DYM: variants seen among roughly 807,000 people sequenced by gnomAD.
The protein encoded by DYM is dyggve-Melchior-Clausen syndrome protein.
DYM carries 78 observed loss-of-function variants against 93.1 expected under a neutral mutation model. The observed-to-expected ratio is 0.84, with a 90% confidence interval of 0.70 to 1.01. The LOEUF (loss-of-function observed/expected upper bound fraction) is 1.01, where lower values mean the gene tolerates loss of function less well. Among genes scored for constraint, DYM ranks in the 50% least tolerant of loss-of-function variants. The pLI is 0.00. For synonymous variants in DYM, 321 were observed against 319.7 expected (o/e 1.00, Z -0.04); for missense variants, 789 against 845.0 (o/e 0.93, Z 0.82).
At chr18:49,179,455 C>G (rs1052012134) in intron 14 of DYM, among the ~76,000 whole-genome samples, 1 of 152,100 alleles carries the variant, frequency 6.6e-6, no homozygotes, top group Non-Finnish European at 1.5e-5. Context: ...TGTGATTCTA[C>G]CATTTGCTTA....
At chr18:49,052,076 T>G (rs2072515095) in intron 17 of DYM, among the ~76,000 whole-genome samples, 1 of 152,254 alleles carries the variant, frequency 6.6e-6, no homozygotes. Context: ...CTGTTTGTTA[T>G]TTATGCATGT....
chr18:49,199,503 G>C (rs1272787477), intron 14 of DYM, among the ~76,000 whole-genome samples: 1 of 152,122 alleles, frequency 6.6e-6, no homozygotes, highest in African/African-American at 2.4e-5. Flanking sequence ...CCACATTATG[G>C]AAAATAGAAT....
At chr18:49,071,770 A>T (rs1408156362) in intron 17 of DYM, among the ~76,000 whole-genome samples, 1 of 152,240 alleles carries the variant, frequency 6.6e-6, no homozygotes, top group African/African-American at 2.4e-5. Context: ...CATCAAGTGT[A>T]TATATTAACT....
rs540189318 is a variant in DYM at position 49,195,916 on chromosome 18, C to CTTTT, written c.1625+13631_1625+13634dup. On this transcript the variant is annotated intron_variant, in intron 14 of 17. Transcript: ENST00000675505. ...ATTATGCTCTCTTGAATGCTACCATCTTTTTTTTTTTTTTTTTTTTTTTTT... is the reference window on the plus strand; with the variant it reads ...ATTATGCTCTCTTGAATGCTACCATCTTTTTTTTTTTTTTTTTTTTTTTTTTTTT... Among the ~76,000 whole-genome samples the CTTTT allele has an allele frequency of 8.6e-3, 722 of 84,014 alleles. 22 individuals are homozygous for CTTTT. Among genetic ancestry groups the CTTTT allele is most frequent in the Non-Finnish European group, 0.011 (547 of 48,798 alleles). The allele number at this position is 84,014 out of a possible 152,430, so 55.1% of individuals were successfully genotyped here. A position where few individuals can be genotyped will look rare whatever the true frequency, so the allele number is the denominator to read the frequency against.
Position 49,331,904 on chromosome 18 carries a change from A to G in DYM, c.723T>C (p.Asp241=). 6.2e-7 allele frequency: 1 copy of G among 1,614,052 alleles called. No individual in the cohort carries two copies. The highest frequency in any genetic ancestry group is 8.5e-7 in the Non-Finnish European group (1 of 1,179,980). Residue 241 remains aspartate (D), a synonymous_variant, in exon 8 of 18, where the codon GAT becomes GAC. Transcript: ENST00000675505. ...PGAHVFPQQS[D]GGGLLYGLAS... is the part of the protein sequence containing the mutation. Reference sequence around the variant, plus strand: ...CAAGTCCATAAAGCAGTCCTCCCCCATCCGACTGCTGAGGGAAAACATGGG... The same window carrying G: ...CAAGTCCATAAAGCAGTCCTCCCCCGTCCGACTGCTGAGGGAAAACATGGG...
intron 13 of DYM, among the ~76,000 whole-genome samples, chr18:49,246,747 C>T (rs541537791): frequency 6.6e-6 from 1 of 152,240 alleles, no homozygotes; most frequent in South Asian, 2.1e-4. Flanking sequence ...GTTGGAGGTT[C>T]ATTATGACAC....
intron 15 of DYM, among the ~76,000 whole-genome samples, chr18:49,126,922 T>C (rs1568462174): frequency 6.6e-6 from 1 of 152,250 alleles, no homozygotes; most frequent in Non-Finnish European, 1.5e-5. Context: ...CCACTCTTAT[T>C]AATTTATAAA....
At chr18:49,234,221 G>A (rs745991079) in intron 13 of DYM, among the ~76,000 whole-genome samples, 29 of 152,226 alleles carry the variant, frequency 1.9e-4, no homozygotes, top group Non-Finnish European at 2.9e-4. Context: ...TTGGGAGGTC[G>A]AGGTAGGAGG....
Position 49,241,674 on chromosome 18 carries a change from G to T in DYM, c.1460+15336C>A, listed in dbSNP as rs571564852. On this transcript the variant is annotated intron_variant, in intron 13 of 17. Transcript: ENST00000675505. ...GTACCTCTTTACATAATGCAATTCT[G>T]ATAGATGAAATGATGTCAGGAATTG... Among the ~76,000 whole-genome samples, 113 of 152,298 alleles carry T rather than the reference G, an allele frequency of 7.4e-4. 2 individuals carry two copies. Among genetic ancestry groups the T allele is most frequent in the African/African-American group, 2.7e-3 (112 of 41,564 alleles).
chr18:49,357,247 A>ACC lies in DYM; in HGVS notation c.494+5913_494+5914insGG, dbSNP rs1382811337. Among the ~76,000 whole-genome samples, 7 of 152,306 alleles carry ACC rather than the reference A, an allele frequency of 4.6e-5. No homozygotes were observed. In the East Asian group the frequency reaches 1.3e-3, roughly 29 times the overall value. On this transcript the variant is annotated intron_variant, in intron 6 of 17. Coordinates refer to ENST00000675505, the MANE Select transcript of DYM (RefSeq NM_001353214.3). ...TCTACCTCTAAGCTCTTCAAGAGTC[A>ACC]CACCTTTTTATGTTCAGGGTCTACT... is the stretch of plus-strand genomic sequence containing the variant.
chr18:49,088,577 G>A (rs1418988183), intron 17 of DYM, among the ~76,000 whole-genome samples: 2 of 146,660 alleles, frequency 1.4e-5, no homozygotes, highest in African/African-American at 5.0e-5. Context: ...AGGCCTAACA[G>A]CCTTTTTTAA....
chr18:49,141,886 C>G (rs113219267), intron 15 of DYM, among the ~76,000 whole-genome samples: 3,827 of 152,190 alleles, frequency 0.025, 71 homozygotes, highest in Non-Finnish European at 0.042. Flanking sequence ...TGGAGTCTCA[C>G]TCTGTCACTC....
At chr18:49,337,014 G>A (rs747671239) in intron 6 of DYM, among the ~76,000 whole-genome samples, 118 of 152,050 alleles carry the variant, frequency 7.8e-4, no homozygotes, top group Non-Finnish European at 1.6e-3. Context: ...GTATATAATA[G>A]GTACTCAATG....
intron 13 of DYM, among the ~76,000 whole-genome samples, chr18:49,240,877 T>C (rs1436730822): frequency 6.6e-6 from 1 of 152,220 alleles, no homozygotes. Context: ...AGGGTCAAGA[T>C]TTATAACAAC....
intron 15 of DYM, among the ~76,000 whole-genome samples, chr18:49,145,730 T>C (rs2085054947): frequency 6.6e-6 from 1 of 152,226 alleles, no homozygotes; most frequent in East Asian, 1.9e-4. Context: ...TGTGTGAATG[T>C]ACCAAAGCTT....
intron 2 of DYM, among the ~76,000 whole-genome samples, chr18:49,401,783 T>C (rs1468807583): frequency 1.3e-5 from 2 of 152,164 alleles, no homozygotes; most frequent in East Asian, 3.9e-4. Context: ...ACCAGCACTC[T>C]GGGAGGCTGA....
intron 2 of DYM, among the ~76,000 whole-genome samples, chr18:49,420,873 C>A (rs925877405): frequency 2.0e-5 from 3 of 152,308 alleles, no homozygotes; most frequent in South Asian, 2.1e-4. Context: ...TATCCCACGC[C>A]TGGCTCGGAG....
At chr18:49,242,946 C>T (rs113120333) in intron 13 of DYM, among the ~76,000 whole-genome samples, 52 of 152,182 alleles carry the variant, frequency 3.4e-4, no homozygotes, top group African/African-American at 8.9e-4. Flanking sequence ...GTGATCCACC[C>T]GTCTCGGCCT....
chr18:49,260,218 A>G (rs543016824), intron 11 of DYM, among the ~76,000 whole-genome samples: 1 of 152,316 alleles, frequency 6.6e-6, no homozygotes, highest in Non-Finnish European at 1.5e-5. Context: ...TGACTCTCTA[A>G]GAATACAAAA....
Sources: allele counts gnomAD v4.1 joint callset (sites outside exome capture counted in the v4.1 genomes callset), GRCh38; gene constraint gnomAD v4.1.1; transcripts MANE v1.5; gene names NCBI Gene and HGNC (gene_info 2026-07-23, HGNC 2026-07-21).